The following TGIF1 variants were observed in gnomAD, a reference collection of about 807,000 sequenced individuals.
TGIF1 encodes the protein TGFB induced factor homeobox 1.
Under a neutral mutation model 19.3 loss-of-function variants are expected in TGIF1, and 4 were observed. The ratio of observed to expected loss-of-function variants is 0.21; its 90% CI spans 0.10 to 0.47. The LOEUF is 0.47. Among genes scored for constraint, TGIF1 ranks in the 20% least tolerant of loss-of-function variants. TGIF1 has a pLI of 0.98. For missense variants in TGIF1, 275 were observed against 341.4 expected (o/e 0.81, Z 1.53); for synonymous variants, 122 against 129.3 (o/e 0.94, Z 0.38).
At chr18:3,433,166 T>C (rs2082572131) in intron 2 of TGIF1, among the ~76,000 whole-genome samples, 2 of 152,046 alleles carry the variant, frequency 1.3e-5, no homozygotes, top group South Asian at 2.1e-4. Flanking sequence ...CTCCACCTTC[T>C]GGGCTCAAGC....
In TGIF1 at chr18:3,426,166, C is replaced by CTTTTTT. The variant is rs10675936; in HGVS notation, c.-45+7966_-45+7971dup. Among the ~76,000 whole-genome samples the CTTTTTT allele has an allele frequency of 4.8e-4, 56 of 116,592 alleles. 3 individuals are homozygous for CTTTTTT. Among genetic ancestry groups the CTTTTTT allele is most frequent in the African/African-American group, 1.8e-3 (50 of 27,272 alleles). The allele number at this position is 116,592 out of a possible 152,430, so 76.5% of individuals were successfully genotyped here. ...CTCAGGCCCAGTTCTGGCTAGGGTC[C>CTTTTTT]TTTTTTTTTTTTTTTTTTTTGAGAC... On this transcript the variant is annotated intron_variant, in intron 2 of 3. Transcript: ENST00000401449.
chr18:3,452,822 A>G (rs1487800913), intron 1 of TGIF1, among the ~76,000 whole-genome samples: 1 of 152,200 alleles, frequency 6.6e-6, no homozygotes, highest in Non-Finnish European at 1.5e-5. Flanking sequence ...TCTTAAAACA[A>G]GTGCACTTTC....
At chr18:3,447,906 T>C, upstream of TGIF1, 1 of 1,518,240 alleles carries the variant, frequency 6.6e-7, no homozygotes, top group Non-Finnish European at 9.1e-7. Context: ...TATAAACCCT[T>C]TCCAATTCTC....
chr18:3,457,904 T>C lies in TGIF1; in HGVS notation c.783T>C (p.Ala261=), dbSNP rs756596029. ...TAGTGGATGTTGCACTCAAACGGGC[T>C]GCAGAGATGGAGCTTCAGGCAAAAC... ...QLLVDVALKR[A]AEMELQAKLT... is the part of the protein sequence containing the mutation. The change falls in exon 3 of 3, where the codon GCT becomes GCC. Residue 261 remains alanine, a synonymous_variant. Coordinates refer to ENST00000343820, the MANE Select transcript of TGIF1 (RefSeq NM_003244.4). This position sits in a 1 kb window ranked among gnomAD's most constrained non-coding sequence, Gnocchi z 4.9. 21 of 1,601,730 alleles carry C rather than the reference T, an allele frequency of 1.3e-5. 1 individual carries two copies. In the South Asian group the frequency reaches 2.1e-4, roughly 16 times the overall value.
At chr18:3,452,352 C>T (rs1225029658) in intron 1 of TGIF1, 9 of 1,613,338 alleles carry the variant, frequency 5.6e-6, no homozygotes, top group Non-Finnish European at 7.6e-6. Flanking sequence ...GGGTCCAGCT[C>T]CTCGGCGCCG....
At chr18:3,417,176 T>C (rs901621155) in intron 1 of TGIF1, among the ~76,000 whole-genome samples, 1 of 152,178 alleles carries the variant, frequency 6.6e-6, no homozygotes, top group African/African-American at 2.4e-5. Context: ...TTTGTTTGTT[T>C]TGAGATGGAG....
chr18:3,418,231 T>C (rs1039170083), intron 2 of TGIF1: 1 of 152,156 alleles, frequency 6.6e-6, no homozygotes, highest in African/African-American at 2.4e-5. Flanking sequence ...TAGATATTTC[T>C]TTAAGGGGGA....
chr18:3,457,469 G>T lies in TGIF1; in HGVS notation c.348G>T (p.Lys116Asn). 2 of 1,614,226 alleles carry T rather than the reference G, an allele frequency of 1.2e-6. No homozygotes were observed. The highest frequency in any genetic ancestry group is 1.7e-6 in the Non-Finnish European group (2 of 1,180,048). ...NQFTISRRGA[K>N]ISETSSVESV... is the part of the protein sequence containing the mutation. ...TCACAATTTCCCGCCGTGGGGCCAA[G>T]ATTTCTGAAACGAGCTCTGTGGAGT... The change falls in exon 3 of 3, where the codon AAG (lysine) becomes AAT (asparagine). Residue 116 changes from lysine to asparagine, a missense_variant. Transcript: ENST00000343820. The surrounding 1 kb of genome is among the most constrained non-coding windows in gnomAD (Gnocchi z 4.9).
chr18:3,432,584 T>C (rs911401062), intron 2 of TGIF1, among the ~76,000 whole-genome samples: 1 of 152,194 alleles, frequency 6.6e-6, no homozygotes, highest in African/African-American at 2.4e-5. Context: ...AAGGGCAACA[T>C]ATCTGCAGTT....
upstream of TGIF1, chr18:3,448,078 G>C (rs1290379095): frequency 7.2e-6 from 7 of 977,138 alleles, no homozygotes; most frequent in South Asian, 1.4e-4. Flanking sequence ...GCGGGCGGGG[G>C]GGGAGGTAGG....
At chr18:3,422,676 T>TTTTGTTTTTTTG (rs1416559251) in intron 2 of TGIF1, among the ~76,000 whole-genome samples, 1 of 24,478 alleles carries the variant, frequency 4.1e-5, no homozygotes. Flanking sequence ...AGGTGGCCTT[T>TTTTGTTTTTTTG]TTTTTTTTTT....
upstream of TGIF1, among the ~76,000 whole-genome samples, chr18:3,446,865 G>C (rs1186559857): frequency 6.6e-6 from 1 of 152,170 alleles, no homozygotes; most frequent in Non-Finnish European, 1.5e-5. Flanking sequence ...AAGTGAAAGA[G>C]ATCCAATGAC....
In TGIF1 at chr18:3,458,867, A is replaced by G. The variant is rs2049444790; in HGVS notation, c.*927A>G. On this transcript the variant is annotated 3_prime_UTR_variant, in exon 3 of 3. Transcript: ENST00000343820. Reference sequence around the variant, plus strand: ...ATTTAGTTAAGGCATTTGTATTCAAATGTAGCATAGTATTTGCAGAGAAAT... The same window carrying G: ...ATTTAGTTAAGGCATTTGTATTCAAGTGTAGCATAGTATTTGCAGAGAAAT... 1 of 152,212 alleles carries G rather than the reference A, an allele frequency of 6.6e-6. No homozygotes were observed. The highest frequency in any genetic ancestry group is 1.5e-5 in the Non-Finnish European group (1 of 68,034). The allele number at this position is 152,212 out of a possible 1,614,324, so 9.4% of individuals were successfully genotyped here.
chr18:3,449,538 T>TGGGCC, upstream of TGIF1: 18 of 961,824 alleles, frequency 1.9e-5, no homozygotes, highest in Non-Finnish European at 2.2e-5. Context: ...GTCTCATCAT[T>TGGGCC]CCCCCCCGCC....
intron 2 of TGIF1, among the ~76,000 whole-genome samples, chr18:3,423,486 T>C (rs374270417): frequency 1.3e-5 from 2 of 151,964 alleles, no homozygotes; most frequent in Non-Finnish European, 2.9e-5. Flanking sequence ...GAGACCTTCC[T>C]GGCTAACACG....
At chr18:3,434,396 C>T (rs567207714) in intron 2 of TGIF1, among the ~76,000 whole-genome samples, 1 of 151,858 alleles carries the variant, frequency 6.6e-6, no homozygotes, top group African/African-American at 2.4e-5. Context: ...ATTACCCGGG[C>T]GTGGTGGTGC....
chr18:3,457,308 A>G lies in TGIF1; in HGVS notation c.244-57A>G. 1 of 1,574,782 alleles carries G rather than the reference A, an allele frequency of 6.4e-7. No homozygotes were observed. Among genetic ancestry groups the G allele is most frequent in the Non-Finnish European group, 8.7e-7 (1 of 1,148,806 alleles). ...ATTAGGTACCCCATAGAACATTCTCAGAACCCGTTGGCTGAGTGAATGAGG... is the reference window on the plus strand; with the variant it reads ...ATTAGGTACCCCATAGAACATTCTCGGAACCCGTTGGCTGAGTGAATGAGG... On this transcript the variant is annotated intron_variant, in intron 2 of 2. Transcript: ENST00000343820. This position sits in a 1 kb window ranked among gnomAD's most constrained non-coding sequence, Gnocchi z 4.9.
upstream of TGIF1, chr18:3,448,181 C>A: frequency 1.0e-6 from 1 of 985,334 alleles, no homozygotes; most frequent in Non-Finnish European, 1.2e-6. Flanking sequence ...AAAGCGTCTC[C>A]CCAGTAACCG....
At chr18:3,438,125 G>C (rs1365675809) in intron 2 of TGIF1, among the ~76,000 whole-genome samples, 1 of 152,028 alleles carries the variant, frequency 6.6e-6, no homozygotes, top group Non-Finnish European at 1.5e-5. Context: ...ATAGAAGTTA[G>C]TGTAGGTTGT....
Sources: allele counts gnomAD v4.1 joint callset (sites outside exome capture counted in the v4.1 genomes callset), GRCh38; gene constraint gnomAD v4.1.1; non-coding constraint Gnocchi (gnomAD v3.1); transcripts MANE v1.5; gene names NCBI Gene and HGNC (gene_info 2026-07-23, HGNC 2026-07-21).